The following PRKCB variants were observed in gnomAD, a reference collection of about 807,000 sequenced individuals.
PRKCB encodes the protein protein kinase C beta.
In PRKCB, 13 loss-of-function variants were observed where a neutral mutation model predicts 81.5. The ratio of observed to expected loss-of-function variants is 0.16; its 90% CI spans 0.10 to 0.25. PRKCB has a LOEUF of 0.25. PRKCB is among the 10% of genes least tolerant of loss of function. PRKCB has a pLI of 1.00. For synonymous variants in PRKCB, 335 were observed against 321.4 expected, an observed-to-expected ratio of 1.04 and a Z score of -0.45; for missense variants, 509 against 875.7, an observed-to-expected ratio of 0.58 and a Z score of 5.29.
intron 2 of PRKCB, among the ~76,000 whole-genome samples, chr16:23,918,055 TA>T (rs958243014): frequency 6.6e-6 from 1 of 152,214 alleles, no homozygotes; most frequent in Non-Finnish European, 1.5e-5. Flanking sequence ...AAATGGGGTT[TA>T]TCAGCAAGAA....
chr16:23,916,685 G>A (rs1963746197), intron 2 of PRKCB, among the ~76,000 whole-genome samples: 3 of 152,094 alleles, frequency 2.0e-5, no homozygotes, highest in Non-Finnish European at 4.4e-5. Flanking sequence ...ACATTCAAAT[G>A]TTAGCTTACC....
chr16:24,134,494 T>A (rs1013966282), intron 9 of PRKCB, among the ~76,000 whole-genome samples: 2 of 152,068 alleles, frequency 1.3e-5, no homozygotes, highest in Non-Finnish European at 2.9e-5. Context: ...TACCTGTAAT[T>A]GCAGCACTTT....
chr16:24,054,361 T>C (rs1228349986), intron 5 of PRKCB, among the ~76,000 whole-genome samples: 1 of 152,250 alleles, frequency 6.6e-6, no homozygotes, highest in Non-Finnish European at 1.5e-5. Context: ...TAGAGCATTT[T>C]TATATGCATG....
intron 2 of PRKCB, among the ~76,000 whole-genome samples, chr16:23,907,278 C>G (rs1245316545): frequency 6.6e-6 from 1 of 152,204 alleles, no homozygotes; most frequent in African/African-American, 2.4e-5. Context: ...GAGCAGACCT[C>G]CCATCCATTT....
At chr16:24,072,939 T>C (rs1220910052) in intron 5 of PRKCB, among the ~76,000 whole-genome samples, 3 of 152,202 alleles carry the variant, frequency 2.0e-5, no homozygotes, top group African/African-American at 7.2e-5. Flanking sequence ...AGCTCAAGTA[T>C]ACCTTACTGT....
intron 5 of PRKCB, among the ~76,000 whole-genome samples, chr16:24,051,966 T>C (rs992433228): frequency 2.7e-5 from 4 of 148,870 alleles, no homozygotes; most frequent in African/African-American, 1.0e-4. Context: ...AAAAATTAGC[T>C]GGGCATGGTG....
intron 2 of PRKCB, among the ~76,000 whole-genome samples, chr16:23,937,162 C>T (rs1199033312): frequency 6.6e-6 from 1 of 152,142 alleles, no homozygotes; most frequent in Non-Finnish European, 1.5e-5. Context: ...CCTGCAGGCA[C>T]CATCTGGTGT....
intron 9 of PRKCB, among the ~76,000 whole-genome samples, chr16:24,127,888 G>GT (rs1410439581): frequency 6.6e-6 from 1 of 152,088 alleles, no homozygotes; most frequent in Non-Finnish European, 1.5e-5. Context: ...ATTAATGCAG[G>GT]TTTTATATTT....
intron 5 of PRKCB, among the ~76,000 whole-genome samples, chr16:24,077,879 A>C (rs1225568190): frequency 3.3e-5 from 5 of 152,230 alleles, no homozygotes; most frequent in Non-Finnish European, 5.9e-5. Flanking sequence ...TAGTTAATGT[A>C]GACAGGGCTC....
intron 16 of PRKCB, among the ~76,000 whole-genome samples, chr16:24,193,476 T>TA (rs1360499417): frequency 7.2e-6 from 1 of 139,804 alleles, no homozygotes; most frequent in African/African-American, 2.7e-5. Flanking sequence ...AATAAATAAA[T>TA]AAATAAATAA....
At chr16:24,169,463 G>T (rs191554052) in intron 10 of PRKCB, among the ~76,000 whole-genome samples, 6 of 152,180 alleles carry the variant, frequency 3.9e-5, no homozygotes, top group African/African-American at 1.4e-4. Context: ...ACCACCCTGG[G>T]CTCATCTCCT....
chr16:23,980,408 A>T (rs1033326711), intron 2 of PRKCB, among the ~76,000 whole-genome samples: 3 of 152,242 alleles, frequency 2.0e-5, no homozygotes, highest in Non-Finnish European at 4.4e-5. Context: ...CAAAATCTGC[A>T]TGCCAGTGGC....
chr16:23,876,002 C>G (rs1057109424), intron 2 of PRKCB, among the ~76,000 whole-genome samples: 4 of 152,162 alleles, frequency 2.6e-5, no homozygotes, highest in Non-Finnish European at 5.9e-5. Flanking sequence ...CTATATGCCT[C>G]ATTTTATGTG....
intron 3 of PRKCB, among the ~76,000 whole-genome samples, chr16:24,017,470 A>G (rs914257367): frequency 6.6e-6 from 1 of 152,140 alleles, no homozygotes; most frequent in African/African-American, 2.4e-5. Flanking sequence ...AGGAAAAGGG[A>G]AAAATTTGCA....
intron 7 of PRKCB, among the ~76,000 whole-genome samples, chr16:24,110,720 A>G (rs1446612033): frequency 2.0e-5 from 3 of 151,022 alleles, no homozygotes; most frequent in African/African-American, 4.9e-5. Context: ...GGGTCTCGCT[A>G]TGTTGCCCAG....
At chr16:24,123,776 C>T in intron 8 of PRKCB, 59 bp from the exon 9 acceptor site, 2 of 1,579,398 alleles carry the variant, frequency 1.3e-6, no homozygotes, top group Non-Finnish European at 1.7e-6. Flanking sequence ...GTGCCTGTGC[C>T]TTCCTACAAG....
intron 5 of PRKCB, among the ~76,000 whole-genome samples, chr16:24,066,988 C>CTG (rs762897873): frequency 3.3e-5 from 5 of 149,964 alleles, no homozygotes; most frequent in Non-Finnish European, 7.4e-5. Flanking sequence ...AAGCTGGGAC[C>CTG]ACAGGTGCAT....
chr16:23,836,050 C>T lies in PRKCB; in HGVS notation c.-126C>T. 3.2e-6 allele frequency: 2 copies of T among 632,954 alleles called. No individual in the cohort carries two copies. Among genetic ancestry groups the T allele is most frequent in the African/African-American group, 2.0e-5 (1 of 50,032 alleles). 39.2% of individuals were successfully genotyped at this position (632,954 alleles called of 1,614,324 possible). A position where few individuals can be genotyped will look rare whatever the true frequency, so the allele number is the denominator to read the frequency against. ...CGCGCCGCGGCCGCCAGAGCCGGCG[C>T]AGGGGAAGCGCCCGCGGCCCCGGGT... is the stretch of plus-strand genomic sequence containing the variant. On this transcript the variant is annotated 5_prime_UTR_variant, in exon 1 of 17. Transcript: ENST00000643927.
chr16:23,874,578 TTTTTTG>T (rs1191535294), intron 2 of PRKCB, among the ~76,000 whole-genome samples: 1 of 151,724 alleles, frequency 6.6e-6, no homozygotes, highest in African/African-American at 2.4e-5. Flanking sequence ...CTTTTTTTTT[TTTTTTG>T]TTTTGCCCCA....
Sources: gnomAD v4.1 joint callset for allele counts (sites outside exome capture counted in the v4.1 genomes callset) on GRCh38, gnomAD v4.1.1 for gene constraint, MANE v1.5 for transcripts, NCBI Gene and HGNC (gene_info 2026-07-23, HGNC 2026-07-21) for gene names.